GRIP1: variants seen among roughly 807,000 people sequenced by gnomAD.
GRIP1 encodes glutamate receptor interacting protein 1.
In GRIP1, 45 loss-of-function variants were observed where a neutral mutation model predicts 129.9. The ratio of observed to expected loss-of-function variants is 0.35; its 90% CI spans 0.27 to 0.44. The LOEUF (loss-of-function observed/expected upper bound fraction) is 0.44, where lower values mean the gene tolerates loss of function less well. Ranked by LOEUF, GRIP1 falls within the 20% of genes least tolerant of loss-of-function variation. The pLI, the probability that GRIP1 is intolerant of heterozygous loss-of-function variation, is 1.00. For missense variants in GRIP1, 1,196 were observed against 1,396.8 expected (o/e 0.86, Z 2.29); for synonymous variants, 530 against 520.8 (o/e 1.02, Z -0.24).
chr12:66,824,398 A>T (rs1415450450), intron 1 of GRIP1, among the ~76,000 whole-genome samples: 1 of 152,178 alleles, frequency 6.6e-6, no homozygotes, highest in Non-Finnish European at 1.5e-5. Context: ...CATTCCTTGC[A>T]TGGCACTGGA....
chr12:66,349,250 A>C lies in GRIP1; in HGVS notation c.3160-4T>G, dbSNP rs761396901. On this transcript the variant is annotated splice_polypyrimidine_tract_variant and splice_region_variant and intron_variant, in intron 24 of 24. Coordinates refer to ENST00000359742, the MANE Select transcript of GRIP1 (RefSeq NM_001366722.1). ...CTCTGGTTCGGACATGATTCACCTGAAAGGTCAAGAACAGCCATTTTGAAT... is the reference window on the plus strand; with the variant it reads ...CTCTGGTTCGGACATGATTCACCTGCAAGGTCAAGAACAGCCATTTTGAAT... 4.4e-6 allele frequency: 7 copies of C among 1,604,486 alleles called. No individual in the cohort carries two copies. In the African/African-American group the frequency reaches 9.4e-5, roughly 21 times the overall value.
At chr12:66,908,580 G>T (rs2040975372) in intron 1 of GRIP1, among the ~76,000 whole-genome samples, 1 of 152,114 alleles carries the variant, frequency 6.6e-6, no homozygotes, top group Admixed American at 6.5e-5. Context: ...AAACAGTGTT[G>T]CATATTAAAC....
At chr12:66,586,435 T>G (rs1437177543) in intron 2 of GRIP1, among the ~76,000 whole-genome samples, 4 of 152,172 alleles carry the variant, frequency 2.6e-5, no homozygotes, top group Admixed American at 2.6e-4. Context: ...CCTCTGAGGC[T>G]TAGTATGCCC....
chr12:66,975,748 G>A (rs1056123034), intron 1 of GRIP1, among the ~76,000 whole-genome samples: 21 of 152,158 alleles, frequency 1.4e-4, no homozygotes, highest in Admixed American at 6.6e-5. Flanking sequence ...AGAGAGACAC[G>A]ATGGAGGTTT....
At chr12:66,462,825 G>T (rs1474427059) in intron 9 of GRIP1, 99 bp downstream of exon 9, 11 of 656,710 alleles carry the variant, frequency 1.7e-5, no homozygotes, top group African/African-American at 5.9e-5. Context: ...AAAAAAAAAG[G>T]CAGAATGAGA....
intron 4 of GRIP1, among the ~76,000 whole-genome samples, chr12:66,537,793 C>T (rs2061651332): frequency 6.6e-6 from 1 of 152,050 alleles, no homozygotes; most frequent in Non-Finnish European, 1.5e-5. Context: ...TGTAAGTTTT[C>T]CAATTCAAAT....
chr12:66,426,166 G>C (rs73125404), intron 14 of GRIP1, among the ~76,000 whole-genome samples: 1 of 151,992 alleles, frequency 6.6e-6, no homozygotes, highest in Admixed American at 6.6e-5. Flanking sequence ...CCATCCACAG[G>C]TATGGACCCA....
chr12:67,018,642 T>C lies in GRIP1; in HGVS notation c.58+50408A>G, dbSNP rs781473409. Among the ~76,000 whole-genome samples, 57 of 152,018 alleles carry C rather than the reference T, an allele frequency of 3.7e-4. 1 individual carries two copies. The highest frequency in any genetic ancestry group is 7.4e-4 in the Non-Finnish European group (50 of 68,020). The stretch of plus-strand genomic sequence containing the variant: ...AAACCAGGCAGAAACCAGAAGTCCA[T>C]AGTTGGCTTTCAAACTGTGGTCCAC... On this transcript the variant is annotated intron_variant, in intron 1 of 1. Coordinates refer to the GRIP1 transcript ENST00000643019.
At chr12:66,959,351 T>A (rs10878541) in intron 1 of GRIP1, among the ~76,000 whole-genome samples, 42,607 of 152,120 alleles carry the variant, frequency 0.28, 5,961 homozygotes, top group Middle Eastern at 0.35. Context: ...AACTAAAAAA[T>A]GTGTTTACTT....
At chr12:66,825,698 G>T (rs11176439) in intron 1 of GRIP1, among the ~76,000 whole-genome samples, 41,405 of 152,112 alleles carry the variant, frequency 0.27, 6,835 homozygotes, top group Non-Finnish European at 0.37. Context: ...TTCCTCTGCT[G>T]CTGCTCTTAT....
chr12:66,467,259 C>A (rs1456938138), intron 7 of GRIP1, among the ~76,000 whole-genome samples: 1 of 152,146 alleles, frequency 6.6e-6, no homozygotes, highest in Non-Finnish European at 1.5e-5. Flanking sequence ...ACTCCAGATC[C>A]TATGGTTGAT....
chr12:66,815,151 A>G (rs1394372871), intron 1 of GRIP1, among the ~76,000 whole-genome samples: 1 of 152,208 alleles, frequency 6.6e-6, no homozygotes, highest in East Asian at 1.9e-4. Context: ...GAATAAAGCA[A>G]TTACTATGTA....
intron 1 of GRIP1, among the ~76,000 whole-genome samples, chr12:66,838,498 C>G (rs760156097): frequency 6.6e-6 from 1 of 152,200 alleles, no homozygotes; most frequent in Non-Finnish European, 1.5e-5. Flanking sequence ...AAACTCTGAT[C>G]AGACAAGAAT....
chr12:66,544,872 C>G (rs1034941351), intron 2 of GRIP1, among the ~76,000 whole-genome samples: 1 of 151,972 alleles, frequency 6.6e-6, no homozygotes, highest in East Asian at 1.9e-4. Flanking sequence ...AGTGATCTAA[C>G]GAAGACAGAA....
At chr12:66,585,049 G>T (rs555592302) in intron 2 of GRIP1, among the ~76,000 whole-genome samples, 5 of 151,532 alleles carry the variant, frequency 3.3e-5, no homozygotes, top group South Asian at 4.2e-4. Flanking sequence ...TTTTATATTT[G>T]ATTATTTTAT....
At chr12:66,805,383 A>ATT (rs61371317), upstream of GRIP1, among the ~76,000 whole-genome samples, 1,873 of 151,870 alleles carry the variant, frequency 0.012, 42 homozygotes, top group African/African-American at 0.042. Context: ...ATCATGAATA[A>ATT]TTTTTTTTTC....
At chr12:66,706,853 C>A (rs1443166200) in intron 1 of GRIP1, among the ~76,000 whole-genome samples, 1 of 151,778 alleles carries the variant, frequency 6.6e-6, no homozygotes, top group Non-Finnish European at 1.5e-5. Flanking sequence ...AGAACATACA[C>A]CAGGACCTAT....
chr12:66,754,828 T>C (rs1181587459), intron 1 of GRIP1, among the ~76,000 whole-genome samples: 1 of 152,110 alleles, frequency 6.6e-6, no homozygotes, highest in Non-Finnish European at 1.5e-5. Flanking sequence ...CATGCCAGCA[T>C]TTTGGGAAGC....
At chr12:66,383,299 A>AAACAACAACAACAACAAC (rs59263648) in intron 19 of GRIP1, among the ~76,000 whole-genome samples, 13 of 141,418 alleles carry the variant, frequency 9.2e-5, no homozygotes, top group South Asian at 2.5e-4. Flanking sequence ...TCTGTCTCAA[A>AAACAACAACAACAACAAC]AACAACAACA....
Sources: gnomAD v4.1 joint callset for allele counts (sites outside exome capture counted in the v4.1 genomes callset) on GRCh38, gnomAD v4.1.1 for gene constraint, MANE v1.5 for transcripts, NCBI Gene and HGNC (gene_info 2026-07-23, HGNC 2026-07-21) for gene names.